The following STRIP2 variants were observed in gnomAD, a reference collection of about 807,000 sequenced individuals.
The protein encoded by STRIP2 is striatin-interacting protein 2.
In STRIP2, 84 loss-of-function variants were observed where a neutral mutation model predicts 107.1. The ratio of observed to expected loss-of-function variants is 0.78; its 90% CI spans 0.66 to 0.94. The LOEUF (loss-of-function observed/expected upper bound fraction) is 0.94, where lower values mean the gene tolerates loss of function less well. Among genes scored for constraint, STRIP2 ranks in the 40% least tolerant of loss-of-function variants. The pLI is 0.00. For missense variants in STRIP2, 888 were observed against 1,034.2 expected (o/e 0.86, Z 1.94); for synonymous variants, 394 against 400.4 (o/e 0.98, Z 0.19).
Position 129,482,879 on chromosome 7 carries a change from G to A in STRIP2, c.2087G>A (p.Arg696Gln), listed in dbSNP as rs1359291656. 7 of 1,613,878 alleles carry A rather than the reference G, an allele frequency of 4.3e-6. No individual in the cohort carries two copies. Among genetic ancestry groups the A allele is most frequent in the Middle Eastern group, 1.6e-4 (1 of 6,082 alleles). ...VVFKSAPILK[R>Q]ALKVKQAMLQ... ...TTTAAATCGGCACCAATCTTAAAGCGGGCCCTCAAGGTCAAACAGGCCATG... is the reference window on the plus strand; with the variant it reads ...TTTAAATCGGCACCAATCTTAAAGCAGGCCCTCAAGGTCAAACAGGCCATG... The change falls in exon 20 of 21, where the codon CGG (arginine) becomes CAG (glutamine). Residue 696 changes from arginine to glutamine, a missense_variant. Physicochemically the swap from Arg to Gln is conservative, Grantham distance 43. Coordinates refer to ENST00000249344, the MANE Select transcript of STRIP2 (RefSeq NM_020704.3).
chr7:129,474,160 TG>T (rs1798859744), intron 18 of STRIP2, among the ~76,000 whole-genome samples: 1 of 151,910 alleles, frequency 6.6e-6, no homozygotes, highest in Non-Finnish European at 1.5e-5. Context: ...TTTTTTTTTT[TG>T]AGACAGGGTC....
intron 18 of STRIP2, among the ~76,000 whole-genome samples, chr7:129,476,020 C>G (rs1203086754): frequency 1.3e-5 from 2 of 152,260 alleles, no homozygotes; most frequent in East Asian, 3.9e-4. Flanking sequence ...CATTTCCCCC[C>G]TCTCTATTGG....
chr7:129,460,987 T>G (rs980362958), intron 13 of STRIP2, among the ~76,000 whole-genome samples: 2 of 152,252 alleles, frequency 1.3e-5, no homozygotes, highest in African/African-American at 4.8e-5. Context: ...TGATCTGATT[T>G]ATGTTTCTAA....
chr7:129,472,803 T>TTTTTTTA (rs1798824578), intron 18 of STRIP2, among the ~76,000 whole-genome samples: 1 of 141,330 alleles, frequency 7.1e-6, no homozygotes, highest in Admixed American at 7.2e-5. Context: ...TTTTTTTTTT[T>TTTTTTTA]TGAGACAGAG....
chr7:129,455,831 C>G (rs1465665083), intron 8 of STRIP2, among the ~76,000 whole-genome samples: 1 of 151,958 alleles, frequency 6.6e-6, no homozygotes, highest in Non-Finnish European at 1.5e-5. Flanking sequence ...GACAGGCCTC[C>G]CTGTGTTGCC....
Position 129,464,677 on chromosome 7 carries a change from A to C in STRIP2, c.1715A>C (p.Lys572Thr). The C allele has an allele frequency of 6.2e-7, 1 of 1,614,058 alleles. No homozygotes were observed. The highest frequency in any genetic ancestry group is 1.1e-5 in the South Asian group (1 of 91,078). The change falls in exon 16 of 21, where the codon AAG becomes ACG. Residue 572 changes from lysine (K) to threonine (T), a missense_variant. Lys to Thr is a moderately conservative substitution (Grantham distance 78, BLOSUM62 -1). Coordinates refer to ENST00000249344, the MANE Select transcript of STRIP2 (RefSeq NM_020704.3). ...AACAGGCACAAGGAGATTATTGTAA[A>C]GAGTATCTCTACCCTGCTTCTGCTA... ...DVNRHKEIIV[K>T]SISTLLLLLL...
Position 129,485,858 on chromosome 7 carries a change from A to G in STRIP2, c.*29A>G. The G allele has an allele frequency of 6.2e-7, 1 of 1,611,770 alleles. No individual in the cohort carries two copies. Among genetic ancestry groups the G allele is most frequent in the Non-Finnish European group, 8.5e-7 (1 of 1,179,466 alleles). ...AGTTCTTGTCAACAAGCATCAATAG[A>G]TAGAGGTCAGCTCCAATAAACTGTG... On this transcript the variant is annotated 3_prime_UTR_variant, in exon 21 of 21. Coordinates refer to ENST00000249344, the MANE Select transcript of STRIP2 (RefSeq NM_020704.3).
At position 129,463,821 on chromosome 7, in the gene STRIP2, C is replaced by A. The variant is rs1041703437; in HGVS notation, c.1552-223C>A. On this transcript the variant is annotated intron_variant, in intron 14 of 20. Coordinates refer to ENST00000249344, the MANE Select transcript of STRIP2 (RefSeq NM_020704.3). ...TGGAAAGAACAGTCTTGAAGCATAA[C>A]AGCCAATGCACTCCCTCTGGCTTTC... 2.6e-5 allele frequency among the ~76,000 whole-genome samples: 4 copies of A among 152,214 alleles called. No individual in the cohort carries two copies. The East Asian group carries it at 5.8e-4, about 22-fold the overall frequency.
intron 1 of STRIP2, 63 bp from the exon 2 acceptor site, chr7:129,439,959 T>C: frequency 7.6e-7 from 1 of 1,310,898 alleles, no homozygotes; most frequent in Non-Finnish European, 1.1e-6. Context: ...AAGGGTACAG[T>C]CTTCCCTTGG....
In STRIP2 at chr7:129,464,696, T is replaced by G. The variant is rs1433272224; in HGVS notation, c.1734T>G (p.Leu578=). 7.4e-6 allele frequency: 12 copies of G among 1,614,010 alleles called. No individual in the cohort carries two copies. The highest frequency in any genetic ancestry group is 1.3e-5 in the African/African-American group (1 of 74,898). The change falls in exon 16 of 21, where the codon CTT becomes CTG. Residue 578 remains leucine, a synonymous_variant. Transcript: ENST00000249344. ...TTGTAAAGAGTATCTCTACCCTGCTTCTGCTACTCCTCAAACACTTCAAAC... is the reference window on the plus strand; with the variant it reads ...TTGTAAAGAGTATCTCTACCCTGCTGCTGCTACTCCTCAAACACTTCAAAC... ...EIIVKSISTL[L]LLLLKHFKLN...
chr7:129,486,758 C>A lies in STRIP2; in HGVS notation c.*929C>A, dbSNP rs781090845. ...GAAAAGTAAAAGCATCACAGCTTAC[C>A]ATTTTTCTTTTTCTGCAGTGTTGAT... On this transcript the variant is annotated 3_prime_UTR_variant, in exon 21 of 21. Coordinates refer to ENST00000249344, the MANE Select transcript of STRIP2 (RefSeq NM_020704.3). 6.6e-6 allele frequency: 1 copy of A among 152,072 alleles called. No homozygotes were observed. The highest frequency in any genetic ancestry group is 1.5e-5 in the Non-Finnish European group (1 of 68,028). 9.4% of individuals were successfully genotyped at this position (152,072 alleles called of 1,614,324 possible).
In STRIP2 at chr7:129,454,217, G is replaced by A. The variant is rs763927968; in HGVS notation, c.599+7G>A. ...CTGATAGCACAGAGCTCAGGTGAGT[G>A]GGGCTAACTATGGGCTTGGAACAGG... On this transcript the variant is annotated splice_region_variant and intron_variant, in intron 6 of 20. Transcript: ENST00000249344. The A allele has an allele frequency of 2.5e-6, 4 of 1,613,968 alleles. No homozygotes were observed. Among genetic ancestry groups the A allele is most frequent in the Non-Finnish European group, 3.4e-6 (4 of 1,179,904 alleles).
intron 12 of STRIP2, among the ~76,000 whole-genome samples, chr7:129,459,960 A>G (rs1046120107): frequency 2.6e-5 from 4 of 152,194 alleles, no homozygotes; most frequent in African/African-American, 9.7e-5. Context: ...CACTCCATGC[A>G]TACGTGCACA....
intron 16 of STRIP2, among the ~76,000 whole-genome samples, chr7:129,466,226 AC>A (rs1357475110): frequency 7.0e-6 from 1 of 143,500 alleles, no homozygotes; most frequent in Non-Finnish European, 1.6e-5. Flanking sequence ...CTGAAGGGCC[AC>A]AGGCACATCT....
At position 129,464,414 on chromosome 7, in the gene STRIP2, C is replaced by T. The variant is rs139267298; in HGVS notation, c.1650-198C>T. Among the ~76,000 whole-genome samples, 120 of 152,002 alleles carry T rather than the reference C, an allele frequency of 7.9e-4. 3 individuals are homozygous for T. The East Asian group carries it at 0.022, about 28-fold the overall frequency. ...AGGGATGAGCTTGCCAAAAGAGAGACGGAAACAAAGAGATCAGTGGAGCAT... is the reference window on the plus strand; with the variant it reads ...AGGGATGAGCTTGCCAAAAGAGAGATGGAAACAAAGAGATCAGTGGAGCAT... On this transcript the variant is annotated intron_variant, in intron 15 of 20. Transcript: ENST00000249344.
At chr7:129,477,048 G>A (rs908237803) in intron 18 of STRIP2, among the ~76,000 whole-genome samples, 5 of 151,578 alleles carry the variant, frequency 3.3e-5, no homozygotes, top group Admixed American at 6.6e-5. Context: ...GGCGGCGCGC[G>A]CCTGCAATCG....
chr7:129,488,020 G>A lies in STRIP2; in HGVS notation c.*2191G>A, dbSNP rs1283126716. ...TCATTTTTTTCCACAGACTTGCTGG[G>A]ACTAGCTTTCAGGTATTGACAGCCA... On this transcript the variant is annotated 3_prime_UTR_variant, in exon 21 of 21. Transcript: ENST00000249344. 1 of 152,124 alleles carries A rather than the reference G, an allele frequency of 6.6e-6. No individual in the cohort carries two copies. The highest frequency in any genetic ancestry group is 2.1e-4 in the South Asian group (1 of 4,824). 9.4% of individuals were successfully genotyped at this position (152,124 alleles called of 1,614,324 possible). A position where few individuals can be genotyped will look rare whatever the true frequency, so the allele number is the denominator to read the frequency against.
At chr7:129,454,044 G>A in intron 5 of STRIP2, 98 bp from the exon 6 acceptor site, 1 of 1,130,128 alleles carries the variant, frequency 8.8e-7, no homozygotes. Context: ...TGCCTAGCCA[G>A]GGAATGGCAA....
chr7:129,478,321 C>T (rs564902935), intron 18 of STRIP2, among the ~76,000 whole-genome samples: 17 of 152,228 alleles, frequency 1.1e-4, no homozygotes, highest in Non-Finnish European at 2.2e-4. Flanking sequence ...ACCAGCCTGG[C>T]CAACATGGTG....
Sources: gnomAD v4.1 joint callset for allele counts (sites outside exome capture counted in the v4.1 genomes callset) on GRCh38, gnomAD v4.1.1 for gene constraint, MANE v1.5 for transcripts, NCBI Gene and HGNC (gene_info 2026-07-23, HGNC 2026-07-21) for gene names.